The following TOP1 variants were observed in gnomAD, a reference collection of about 807,000 sequenced individuals.
The protein encoded by TOP1 is DNA topoisomerase 1.
A neutral mutation model predicts 111.1 loss-of-function variants in TOP1; 10 were observed. That is an observed-to-expected ratio of 0.09 (90% CI 0.06 to 0.15). The LOEUF (loss-of-function observed/expected upper bound fraction) is 0.15. TOP1 is among the 10% of genes least tolerant of loss of function. The pLI is 1.00. For missense variants in TOP1, 474 were observed against 926.7 expected (o/e 0.51, Z 6.34); for synonymous variants, 271 against 302.9 (o/e 0.89, Z 1.10).
chr20:41,121,606 C>T lies in TOP1; in HGVS notation c.1951-90C>T. 1.0e-6 allele frequency: 1 copy of T among 987,388 alleles called. No individual in the cohort carries two copies. Among genetic ancestry groups the T allele is most frequent in the Non-Finnish European group, 1.6e-6 (1 of 615,930 alleles). The allele number at this position is 987,388 out of a possible 1,614,324, so 61.2% of individuals were successfully genotyped here. On this transcript the variant is annotated intron_variant, in intron 18 of 20. Transcript: ENST00000361337. The surrounding 1 kb of genome is among the most constrained non-coding windows in gnomAD (Gnocchi z 4.2). ...TCTGACAAACCACTGACAGAGACAG[C>T]CTGGTCCAGATAACATCTTGGTTTC...
At position 41,082,492 on chromosome 20, in the gene TOP1, C is replaced by T. The variant is rs1192664543; in HGVS notation, c.507+1252C>T. 6.6e-6 allele frequency among the ~76,000 whole-genome samples: 1 copy of T among 152,200 alleles called. No homozygotes were observed. The highest frequency in any genetic ancestry group is 2.4e-5 in the African/African-American group (1 of 41,440). ...CAGCATTTGATCCCATGCAGTCTGA[C>T]TTCAGTGCCAGCACACCAGCTACTA... On this transcript the variant is annotated intron_variant, in intron 7 of 20. Transcript: ENST00000361337. This position sits in a 1 kb window ranked among gnomAD's most constrained non-coding sequence, Gnocchi z 4.1.
At chr20:41,037,864 A>G (rs1314318496) in intron 2 of TOP1, among the ~76,000 whole-genome samples, 1 of 152,260 alleles carries the variant, frequency 6.6e-6, no homozygotes, top group Non-Finnish European at 1.5e-5. Flanking sequence ...GCATCACAAC[A>G]GGCGCAGACT....
rs2034296829 is a variant in TOP1, at chr20:41,114,452, A to G, written c.1638+297A>G. ...ATATTAAAATAAATAAAAATAAATGACTTGAAAGAGGGGAGAGGTATTATT... is the reference window on the plus strand; with the variant it reads ...ATATTAAAATAAATAAAAATAAATGGCTTGAAAGAGGGGAGAGGTATTATT... On this transcript the variant is annotated intron_variant, in intron 15 of 20. Transcript: ENST00000361337. This position sits in a 1 kb window ranked among gnomAD's most constrained non-coding sequence, Gnocchi z 4.5. Among the ~76,000 whole-genome samples, 4 of 152,174 alleles carry G rather than the reference A, an allele frequency of 2.6e-5. No individual in the cohort carries two copies. Among genetic ancestry groups the G allele is most frequent in the Admixed American group, 2.6e-4 (4 of 15,282 alleles).
intron 14 of TOP1, 90 bp from the exon 15 acceptor site, chr20:41,113,879 CA>C (rs552197714): frequency 0.15 from 100,575 of 654,560 alleles, 6 homozygotes; most frequent in South Asian, 0.17. Flanking sequence ...GAGACTGTCT[CA>C]AAAAAAAAAA....
At position 41,097,194 on chromosome 20, in the gene TOP1, C is replaced by T. The variant is rs773119488; in HGVS notation, c.731-26C>T. 8.7e-5 allele frequency: 140 copies of T among 1,609,462 alleles called. No homozygotes were observed. Among genetic ancestry groups the T allele is most frequent in the Non-Finnish European group, 1.1e-4 (130 of 1,178,946 alleles). On this transcript the variant is annotated intron_variant, in intron 9 of 20. Coordinates refer to ENST00000361337, the MANE Select transcript of TOP1 (RefSeq NM_003286.4). The surrounding 1 kb of genome is among the most constrained non-coding windows in gnomAD (Gnocchi z 4.2). ...CTTAGAACATGAATACTATACCTCA[C>T]TTTTTGGAACCACTTTTTTCTCTAG...
intron 8 of TOP1, among the ~76,000 whole-genome samples, chr20:41,086,544 G>A (rs2033851066): frequency 2.0e-5 from 3 of 152,168 alleles, no homozygotes; most frequent in Admixed American, 2.0e-4. Context: ...CTTTACTTCG[G>A]AGCTTTGGCT....
At chr20:41,037,923 A>G (rs2033209806) in intron 2 of TOP1, among the ~76,000 whole-genome samples, 1 of 152,224 alleles carries the variant, frequency 6.6e-6, no homozygotes, top group African/African-American at 2.4e-5. Flanking sequence ...TTGTATAGAA[A>G]TTATGGAATA....
At chr20:41,056,231 G>T (rs958790702) in intron 2 of TOP1, among the ~76,000 whole-genome samples, 1 of 152,026 alleles carries the variant, frequency 6.6e-6, no homozygotes, top group African/African-American at 2.4e-5. Flanking sequence ...CCTTTCAGTT[G>T]GTTATTTAGT....
At chr20:41,093,832 G>A (rs1239503376) in intron 9 of TOP1, among the ~76,000 whole-genome samples, 1 of 152,184 alleles carries the variant, frequency 6.6e-6, no homozygotes, top group Non-Finnish European at 1.5e-5. Context: ...TTACACTAAA[G>A]GGCTGGGTCT....
At position 41,053,699 on chromosome 20, in the gene TOP1, C is replaced by T. The variant is rs118098101; in HGVS notation, c.59-7695C>T. Among the ~76,000 whole-genome samples, 395 of 152,244 alleles carry T rather than the reference C, an allele frequency of 2.6e-3. 3 individuals carry two copies. Among genetic ancestry groups the T allele is most frequent in the South Asian group, 0.011 (52 of 4,816 alleles). ...TGTTACTTTAATGTTAATTGACGTT[C>T]GAAAATTTGAGTTTCAAATGTTTCC... On this transcript the variant is annotated intron_variant, in intron 2 of 20. Coordinates refer to ENST00000361337, the MANE Select transcript of TOP1 (RefSeq NM_003286.4).
intron 2 of TOP1, among the ~76,000 whole-genome samples, chr20:41,044,362 G>A (rs1205371708): frequency 6.6e-6 from 1 of 152,234 alleles, no homozygotes; most frequent in Non-Finnish European, 1.5e-5. Flanking sequence ...AAAAATTCCA[G>A]TGTTGTCTTC....
chr20:41,086,756 G>T (rs2033854034), intron 8 of TOP1, among the ~76,000 whole-genome samples: 1 of 152,188 alleles, frequency 6.6e-6, no homozygotes, highest in Non-Finnish European at 1.5e-5. Context: ...TTAACTAAAA[G>T]TTGTTTTTTG....
intron 3 of TOP1, among the ~76,000 whole-genome samples, chr20:41,074,447 A>G (rs188803648): frequency 6.6e-6 from 1 of 152,168 alleles, no homozygotes; most frequent in Admixed American, 6.5e-5. Flanking sequence ...AGAGCAATAT[A>G]GAGGGAGAAA....
chr20:41,082,918 A>C lies in TOP1; in HGVS notation c.508-1544A>C, dbSNP rs2033805881. Among the ~76,000 whole-genome samples the C allele has an allele frequency of 6.6e-6, 1 of 152,110 alleles. No individual in the cohort carries two copies. Among genetic ancestry groups the C allele is most frequent in the Non-Finnish European group, 1.5e-5 (1 of 68,008 alleles). ...AACCATTGGGAAAAAAGAACAGTTG[A>C]CTTCATTTGTTATTATTCTATTTAG... On this transcript the variant is annotated intron_variant, in intron 7 of 20. Transcript: ENST00000361337. This position sits in a 1 kb window ranked among gnomAD's most constrained non-coding sequence, Gnocchi z 4.1.
At chr20:41,048,356 A>G (rs1233047407) in intron 2 of TOP1, among the ~76,000 whole-genome samples, 3 of 152,240 alleles carry the variant, frequency 2.0e-5, no homozygotes, top group African/African-American at 7.2e-5. Context: ...GATGATTCCA[A>G]GTACCAGGGC....
chr20:41,077,867 A>C (rs563170191), intron 5 of TOP1, among the ~76,000 whole-genome samples: 1 of 152,282 alleles, frequency 6.6e-6, no homozygotes, highest in East Asian at 1.9e-4. Context: ...CGAATAGAGA[A>C]GGTTGACAGG....
intron 13 of TOP1, among the ~76,000 whole-genome samples, chr20:41,111,025 C>T (rs535609681): frequency 3.9e-5 from 6 of 152,294 alleles, no homozygotes; most frequent in Non-Finnish European, 8.8e-5. Flanking sequence ...CTGTGAATGA[C>T]GTGCGGGTTG....
chr20:41,087,976 G>A (rs912728017), intron 8 of TOP1, among the ~76,000 whole-genome samples: 4 of 152,242 alleles, frequency 2.6e-5, no homozygotes, highest in South Asian at 4.1e-4. Context: ...TGCACTCATG[G>A]GGAGGCTAAA....
At chr20:41,042,738 A>G (rs1425866593) in intron 2 of TOP1, among the ~76,000 whole-genome samples, 1 of 152,234 alleles carries the variant, frequency 6.6e-6, no homozygotes, top group African/African-American at 2.4e-5. Context: ...AAACTTAACT[A>G]ATAGCCTACT....
Sources: gnomAD v4.1 joint callset for allele counts (sites outside exome capture counted in the v4.1 genomes callset) on GRCh38, gnomAD v4.1.1 for gene constraint, Gnocchi (gnomAD v3.1) non-coding constraint, MANE v1.5 for transcripts, NCBI Gene and HGNC (gene_info 2026-07-23, HGNC 2026-07-21) for gene names.